MSRA: variants seen among roughly 807,000 people sequenced by gnomAD.
MSRA encodes the protein mitochondrial peptide methionine sulfoxide reductase.
MSRA carries 54 observed loss-of-function variants against 31.3 expected under a neutral mutation model. That is an observed-to-expected ratio of 1.73 (90% confidence interval 1.39 to 2.17). The LOEUF (loss-of-function observed/expected upper bound fraction) is 2.17, where lower values mean the gene tolerates loss of function less well. MSRA is among the 30% of genes most tolerant of loss of function. MSRA has a pLI of 0.00. For missense variants in MSRA, 507 were observed against 300.9 expected (o/e 1.69, Z -5.07); for synonymous variants, 169 against 116.5 (o/e 1.45, Z -2.90).
chr8:10,278,856 T>C (rs1384663476), intron 3 of MSRA, among the ~76,000 whole-genome samples: 8 of 152,228 alleles, frequency 5.3e-5, no homozygotes, highest in African/African-American at 1.4e-4. Context: ...GTCAGACTAA[T>C]TTGACTTGTG....
At chr8:10,399,925 G>C (rs1807338337) in intron 5 of MSRA, among the ~76,000 whole-genome samples, 5 of 152,188 alleles carry the variant, frequency 3.3e-5, no homozygotes, top group Admixed American at 3.3e-4. Context: ...GAAAGGGAGA[G>C]CTGTTGGAGC....
At chr8:10,148,825 T>C (rs1039180751) in intron 1 of MSRA, among the ~76,000 whole-genome samples, 2 of 59,158 alleles carry the variant, frequency 3.4e-5, no homozygotes, top group Non-Finnish European at 6.4e-5. Flanking sequence ...AAGGAAACTC[T>C]GTCTCAAAAA....
At chr8:10,336,262 C>G (rs6982308) in intron 5 of MSRA, among the ~76,000 whole-genome samples, 70,240 of 151,842 alleles carry the variant, frequency 0.46, 17,117 homozygotes, top group Middle Eastern at 0.52. Context: ...AAGAAAAATA[C>G]TGTGAGAAAA....
At chr8:10,071,963 C>T (rs890637750) in intron 1 of MSRA, among the ~76,000 whole-genome samples, 2 of 152,144 alleles carry the variant, frequency 1.3e-5, no homozygotes, top group African/African-American at 2.4e-5. Flanking sequence ...TATGGGTCCC[C>T]TGTGTCCAGG....
chr8:10,300,482 C>T (rs186927306), intron 3 of MSRA, among the ~76,000 whole-genome samples: 16 of 152,222 alleles, frequency 1.1e-4, no homozygotes, highest in Admixed American at 9.8e-4. Context: ...TCTTGAACTC[C>T]TGACCTCAAG....
At chr8:10,370,059 T>C (rs1585606340) in intron 5 of MSRA, among the ~76,000 whole-genome samples, 2 of 152,236 alleles carry the variant, frequency 1.3e-5, no homozygotes, top group South Asian at 2.1e-4. Flanking sequence ...TTATAAACTT[T>C]TGTTTTGCCA....
intron 1 of MSRA, among the ~76,000 whole-genome samples, chr8:10,065,415 C>G (rs757580344): frequency 2.0e-5 from 3 of 152,188 alleles, no homozygotes; most frequent in African/African-American, 7.2e-5. Context: ...CTCATACTAA[C>G]AAGCTCTGTC....
At chr8:10,144,764 TATA>T (rs1236106445) in intron 1 of MSRA, among the ~76,000 whole-genome samples, 3 of 152,142 alleles carry the variant, frequency 2.0e-5, no homozygotes, top group Non-Finnish European at 4.4e-5. Context: ...TTGCCTAAAT[TATA>T]ATGTGACAAT....
chr8:10,358,378 C>G (rs1324084884), intron 5 of MSRA, among the ~76,000 whole-genome samples: 1 of 152,020 alleles, frequency 6.6e-6, no homozygotes, highest in African/African-American at 2.4e-5. Context: ...TTTAATCCCT[C>G]TATTCTCTTG....
intron 3 of MSRA, among the ~76,000 whole-genome samples, chr8:10,288,160 A>T (rs1209898393): frequency 6.6e-6 from 1 of 152,192 alleles, no homozygotes; most frequent in Non-Finnish European, 1.5e-5. Flanking sequence ...ATTGAATCAG[A>T]CTACTGTTTT....
intron 1 of MSRA, among the ~76,000 whole-genome samples, chr8:10,174,248 T>A (rs181036361): frequency 1.3e-5 from 2 of 152,110 alleles, no homozygotes; most frequent in East Asian, 3.9e-4. Flanking sequence ...CTTCCAACTT[T>A]GTAAAGAGAG....
chr8:10,215,791 A>C (rs1339118761), intron 2 of MSRA, among the ~76,000 whole-genome samples: 1 of 152,160 alleles, frequency 6.6e-6, no homozygotes, highest in African/African-American at 2.4e-5. Context: ...AGATGTGGCT[A>C]ATTTTTTCAC....
At chr8:10,087,589 A>T (rs570688764) in intron 1 of MSRA, among the ~76,000 whole-genome samples, 1 of 152,146 alleles carries the variant, frequency 6.6e-6, no homozygotes, top group Non-Finnish European at 1.5e-5. Context: ...ATGGTCCATA[A>T]CTCATTTGTC....
At chr8:10,074,711 T>C (rs1585092749) in intron 1 of MSRA, among the ~76,000 whole-genome samples, 1 of 152,044 alleles carries the variant, frequency 6.6e-6, no homozygotes, top group South Asian at 2.1e-4. Context: ...GAGGCTGGAG[T>C]GCAGTAGTAC....
In MSRA at chr8:10,279,435, C is replaced by T. The variant is rs184075361; in HGVS notation, c.332-22099C>T. 2.3e-3 allele frequency among the ~76,000 whole-genome samples: 349 copies of T among 152,212 alleles called. 16 individuals carry two copies. The highest frequency in any genetic ancestry group is 2.3e-3 in the Non-Finnish European group (154 of 68,014). On this transcript the variant is annotated intron_variant, in intron 3 of 5. Coordinates refer to ENST00000317173, the MANE Select transcript of MSRA (RefSeq NM_012331.5). ...CAACTTTGTCTAAGAGATAACAACT[C>T]CCTTTGGCATCTCATCTTTGGGGCA...
At chr8:10,288,019 G>C (rs1207941755) in intron 3 of MSRA, among the ~76,000 whole-genome samples, 1 of 152,042 alleles carries the variant, frequency 6.6e-6, no homozygotes, top group Non-Finnish European at 1.5e-5. Flanking sequence ...GCTCATGCTA[G>C]GGTTTAGTAA....
chr8:10,177,447 T>C (rs1361356339), intron 1 of MSRA, among the ~76,000 whole-genome samples: 1 of 152,238 alleles, frequency 6.6e-6, no homozygotes, highest in Admixed American at 6.5e-5. Flanking sequence ...TGATAACTTT[T>C]TGTTGATACA....
Position 10,186,480 on chromosome 8 carries a change from C to A in MSRA, c.143-21353C>A, listed in dbSNP as rs117733692. On this transcript the variant is annotated intron_variant, in intron 1 of 5. Transcript: ENST00000317173. ...TGAAGTACTTCTAATGGTTGTTCAG[C>A]CATTAAAATATATGAAAACCACTCT... is the stretch of plus-strand genomic sequence containing the variant. Among the ~76,000 whole-genome samples the A allele has an allele frequency of 2.6e-3, 398 of 152,244 alleles. 6 individuals carry two copies. The East Asian group carries it at 0.029, about 11-fold the overall frequency.
chr8:10,083,824 C>G (rs564588535), intron 1 of MSRA, among the ~76,000 whole-genome samples: 2 of 152,178 alleles, frequency 1.3e-5, no homozygotes, highest in South Asian at 4.2e-4. Context: ...TCAGACCTGT[C>G]AGAGCTTGGA....
Sources: gnomAD v4.1 joint callset for allele counts (sites outside exome capture counted in the v4.1 genomes callset) on GRCh38, gnomAD v4.1.1 for gene constraint, MANE v1.5 for transcripts, NCBI Gene and HGNC (gene_info 2026-07-23, HGNC 2026-07-21) for gene names.